HAS3: variants seen among roughly 807,000 people sequenced by gnomAD.
HAS3 encodes the protein hyaluronan synthase 3.
A neutral mutation model predicts 50.3 loss-of-function variants in HAS3; 27 were observed. The observed-to-expected ratio is 0.54, with a 90% CI of 0.40 to 0.74. HAS3 has a LOEUF of 0.74. HAS3 is among the 30% of genes least tolerant of loss of function. The pLI, the probability that HAS3 is intolerant of heterozygous loss-of-function variation, is 0.00. For missense variants in HAS3, 517 were observed against 742.8 expected (o/e 0.70, Z 3.53); for synonymous variants, 339 against 310.9 (o/e 1.09, Z -0.95).
At position 69,107,574 on chromosome 16, in the gene HAS3, C is replaced by T. The variant is rs1445641234; in HGVS notation, c.-1+1787C>T. ...CGCGGCTGCTTTGACCTGGTGGGCG[C>T]CGCCTCCGGCACTGCACCGAGGCGG... On this transcript the variant is annotated intron_variant, in intron 1 of 3. Coordinates refer to ENST00000569188, the MANE Select transcript of HAS3 (RefSeq NM_001199280.2). The surrounding 1 kb of genome is among the most constrained non-coding windows in gnomAD (Gnocchi z 5.5). The T allele has an allele frequency of 2.0e-6, 2 of 985,358 alleles. No homozygotes were observed. The highest frequency in any genetic ancestry group is 2.3e-4 in the East Asian group (2 of 8,800). 61.0% of individuals were successfully genotyped at this position (985,358 alleles called of 1,614,324 possible). A position where few individuals can be genotyped will look rare whatever the true frequency, so the allele number is the denominator to read the frequency against.
the HAS3 span, chr16:69,083,580 C>T: frequency 3.1e-6 from 5 of 1,604,406 alleles, no homozygotes; most frequent in African/African-American, 1.3e-5. Context: ...CCCAGTTGGC[C>T]CTAGAAGAGC....
Position 69,109,700 on chromosome 16 carries a change from G to T in HAS3, c.305G>T (p.Arg102Leu). 1 of 1,610,498 alleles carries T rather than the reference G, an allele frequency of 6.2e-7. No homozygotes were observed. Residue 102 changes from arginine to leucine, a missense_variant, in exon 2 of 4, where the codon CGC becomes CTC. By Grantham distance (102) the Arg-to-Leu change is moderately radical (BLOSUM62 -2). Coordinates refer to ENST00000569188, the MANE Select transcript of HAS3 (RefSeq NM_001199280.2). The surrounding 1 kb of genome is among the most constrained non-coding windows in gnomAD (Gnocchi z 5.3). Reference protein sequence around the residue: ...AAYQEDPDYLRKCLRSAQRIS... With the variant: ...AAYQEDPDYLLKCLRSAQRIS... Reference sequence around the variant, plus strand: ...TACCAGGAGGACCCTGACTACTTGCGCAAGTGCCTGCGCTCGGCCCAGCGC... The same window carrying T: ...TACCAGGAGGACCCTGACTACTTGCTCAAGTGCCTGCGCTCGGCCCAGCGC...
rs1960859901 is a variant in HAS3 at position 69,107,844 on chromosome 16, G to A, written c.1-1552G>A. ...ACGGCGGGCTCCCCGGGACGGTGGGGCAGAGCGCCCGGAGGCCGCGCTTCC... is the reference window on the plus strand; with the variant it reads ...ACGGCGGGCTCCCCGGGACGGTGGGACAGAGCGCCCGGAGGCCGCGCTTCC... On this transcript the variant is annotated intron_variant, in intron 1 of 3. Coordinates refer to ENST00000569188, the MANE Select transcript of HAS3 (RefSeq NM_001199280.2). This position sits in a 1 kb window ranked among gnomAD's most constrained non-coding sequence, Gnocchi z 5.5. 4.6e-6 allele frequency: 2 copies of A among 431,394 alleles called. No individual in the cohort carries two copies. Among genetic ancestry groups the A allele is most frequent in the African/African-American group, 2.1e-5 (1 of 46,844 alleles). 26.7% of individuals were successfully genotyped at this position (431,394 alleles called of 1,614,324 possible).
chr16:69,096,003 T>C, the HAS3 span, among the ~76,000 whole-genome samples: 1 of 145,524 alleles, frequency 6.9e-6, no homozygotes, highest in Non-Finnish European at 1.5e-5. Flanking sequence ...TCACTTGAGG[T>C]CAGGAGTTTG....
In HAS3 at chr16:69,109,370, C is replaced by G. The variant is rs115562758; in HGVS notation, c.1-26C>G. The G allele has an allele frequency of 4.0e-4, 624 of 1,578,418 alleles. 3 individuals are homozygous for G. In the African/African-American group the frequency reaches 6.8e-3, roughly 17 times the overall value. On this transcript the variant is annotated intron_variant, in intron 1 of 3. Coordinates refer to ENST00000569188, the MANE Select transcript of HAS3 (RefSeq NM_001199280.2). This position sits in a 1 kb window ranked among gnomAD's most constrained non-coding sequence, Gnocchi z 5.3. ...TGGAAATGCTGCCTCCTGCCTGACC[C>G]TTCATCTCCTGCCTTCTCTCGCCAG... is the stretch of plus-strand genomic sequence containing the variant.
rs572586925 is a variant in HAS3, at chr16:69,117,255, G to T, written c.*1989G>T. 2.0e-6 allele frequency: 2 copies of T among 985,868 alleles called. No homozygotes were observed. The highest frequency in any genetic ancestry group is 6.1e-5 in the Admixed American group (1 of 16,292). The allele number at this position is 985,868 out of a possible 1,614,324, so 61.1% of individuals were successfully genotyped here. A position where few individuals can be genotyped will look rare whatever the true frequency, so the allele number is the denominator to read the frequency against. Reference sequence around the variant, plus strand: ...GCTTGTTTTTCTTCAGCATTTACTTGAAGATTAATGTAGGATGACAGGCTC... The same window carrying T: ...GCTTGTTTTTCTTCAGCATTTACTTTAAGATTAATGTAGGATGACAGGCTC... On this transcript the variant is annotated 3_prime_UTR_variant, in exon 4 of 4. Coordinates refer to ENST00000569188, the MANE Select transcript of HAS3 (RefSeq NM_001199280.2).
In HAS3 at chr16:69,107,629, C is replaced by A. The variant is rs1454322542; in HGVS notation, c.1-1767C>A. 1.0e-5 allele frequency: 10 copies of A among 985,474 alleles called. No individual in the cohort carries two copies. The East Asian group carries it at 1.1e-3, about 112-fold the overall frequency. 61.0% of individuals were successfully genotyped at this position (985,474 alleles called of 1,614,324 possible). A position where few individuals can be genotyped will look rare whatever the true frequency, so the allele number is the denominator to read the frequency against. ...CCAGCGCCCAGGTTGCTGGGCTGGC[C>A]TTGGCGCCCCCTTCCCCTACCCAGA... On this transcript the variant is annotated intron_variant, in intron 1 of 3. Coordinates refer to ENST00000569188, the MANE Select transcript of HAS3 (RefSeq NM_001199280.2). This position sits in a 1 kb window ranked among gnomAD's most constrained non-coding sequence, Gnocchi z 5.5.
chr16:69,099,498 T>G, the HAS3 span, among the ~76,000 whole-genome samples: 2 of 151,824 alleles, frequency 1.3e-5, no homozygotes, highest in African/African-American at 4.8e-5. Flanking sequence ...CAGCTAATTT[T>G]TGTATTTTTA....
At position 69,115,403 on chromosome 16, in the gene HAS3, C is replaced by T. The variant is rs1033689693; in HGVS notation, c.*137C>T. 7.2e-7 allele frequency: 1 copy of T among 1,387,078 alleles called. No homozygotes were observed. Among genetic ancestry groups the T allele is most frequent in the Admixed American group, 3.2e-5 (1 of 31,130 alleles). 85.9% of individuals were successfully genotyped at this position (1,387,078 alleles called of 1,614,324 possible). On this transcript the variant is annotated 3_prime_UTR_variant, in exon 4 of 4. Transcript: ENST00000569188. ...TGGTCCAAAGGACAAATCTAAAATG[C>T]AAAGAACGGTGATGTAGTATGGCCT... is the stretch of plus-strand genomic sequence containing the variant.
At position 69,116,995 on chromosome 16, in the gene HAS3, C is replaced by G. The variant is rs934295361; in HGVS notation, c.*1729C>G. 3.0e-6 allele frequency: 3 copies of G among 985,314 alleles called. No homozygotes were observed. Among genetic ancestry groups the G allele is most frequent in the African/African-American group, 1.7e-5 (1 of 57,226 alleles). 61.0% of individuals were successfully genotyped at this position (985,314 alleles called of 1,614,324 possible). ...CCCTGGTGCTTTCCTTCATCTCCCA[C>G]GAACTCAAGGGTTTTCCAGGTGTAG... On this transcript the variant is annotated 3_prime_UTR_variant, in exon 4 of 4. Transcript: ENST00000569188.
Position 69,114,257 on chromosome 16 carries a change from G to T in HAS3, c.739-86G>T. 1 of 1,502,650 alleles carries T rather than the reference G, an allele frequency of 6.7e-7. No individual in the cohort carries two copies. Among genetic ancestry groups the T allele is most frequent in the African/African-American group, 1.4e-5 (1 of 71,864 alleles). The allele number at this position is 1,502,650 out of a possible 1,614,324, so 93.1% of individuals were successfully genotyped here. A position where few individuals can be genotyped will look rare whatever the true frequency, so the allele number is the denominator to read the frequency against. ...GGAATCTAAGCAGCGGGCCACAGAA[G>T]CCATGGTAAGGAGGCCTCGTGGTCT... On this transcript the variant is annotated intron_variant, in intron 3 of 3. Coordinates refer to ENST00000569188, the MANE Select transcript of HAS3 (RefSeq NM_001199280.2). This position sits in a 1 kb window ranked among gnomAD's most constrained non-coding sequence, Gnocchi z 6.4.
rs1473427104 is a variant in HAS3 at position 69,114,258 on chromosome 16, C to T, written c.739-85C>T. 2.0e-6 allele frequency: 3 copies of T among 1,502,804 alleles called. No homozygotes were observed. Among genetic ancestry groups the T allele is most frequent in the Non-Finnish European group, 1.8e-6 (2 of 1,133,984 alleles). 93.1% of individuals were successfully genotyped at this position (1,502,804 alleles called of 1,614,324 possible). A position where few individuals can be genotyped will look rare whatever the true frequency, so the allele number is the denominator to read the frequency against. On this transcript the variant is annotated intron_variant, in intron 3 of 3. Transcript: ENST00000569188. The surrounding 1 kb of genome is among the most constrained non-coding windows in gnomAD (Gnocchi z 6.4). ...GAATCTAAGCAGCGGGCCACAGAAGCCATGGTAAGGAGGCCTCGTGGTCTC... is the reference window on the plus strand; with the variant it reads ...GAATCTAAGCAGCGGGCCACAGAAGTCATGGTAAGGAGGCCTCGTGGTCTC...
chr16:69,084,939 T>A, the HAS3 span: 1 of 152,378 alleles, frequency 6.6e-6, no homozygotes, highest in Admixed American at 6.5e-5. Flanking sequence ...CTTGGTGGCA[T>A]CCCTTTAAAG....
In HAS3 at chr16:69,109,610, G is replaced by C; in HGVS notation, c.215G>C (p.Arg72Pro). The C allele has an allele frequency of 6.2e-7, 1 of 1,612,080 alleles. No homozygotes were observed. The highest frequency in any genetic ancestry group is 8.5e-7 in the Non-Finnish European group (1 of 1,179,806). Residue 72 changes from arginine (R) to proline (P), a missense_variant, in exon 2 of 4, where the codon CGT becomes CCT. Coordinates refer to ENST00000569188, the MANE Select transcript of HAS3 (RefSeq NM_001199280.2). This position sits in a 1 kb window ranked among gnomAD's most constrained non-coding sequence, Gnocchi z 5.3. ...TTCCTGGAGCACCGGCGCATGCGACGTGCCGGCCAGGCCCTGAAGCTGCCC... is the reference window on the plus strand; with the variant it reads ...TTCCTGGAGCACCGGCGCATGCGACCTGCCGGCCAGGCCCTGAAGCTGCCC... ...FAFLEHRRMR[R>P]AGQALKLPSP...
At chr16:69,101,788 CT>C (rs35588789), upstream of HAS3, among the ~76,000 whole-genome samples, 980 of 117,920 alleles carry the variant, frequency 8.3e-3, 4 homozygotes, top group Non-Finnish European at 0.01. Flanking sequence ...TACTTGTACT[CT>C]TTTTTTTTTT....
At chr16:69,098,972 C>G in the HAS3 span, among the ~76,000 whole-genome samples, 1 of 139,878 alleles carries the variant, frequency 7.1e-6, no homozygotes, top group African/African-American at 2.7e-5. Context: ...TGAACCTGAT[C>G]TTTTTTTTTT....
In HAS3 at chr16:69,117,576, CTT is replaced by C. The variant is rs10558208; in HGVS notation, c.*2325_*2326del. The C allele has an allele frequency of 0.031, 21,144 of 685,994 alleles. 2 individuals carry two copies. The highest frequency in any genetic ancestry group is 0.034 in the Non-Finnish European group (19,249 of 563,720). 42.5% of individuals were successfully genotyped at this position (685,994 alleles called of 1,614,324 possible). ...TTGTAAACATATTTATTTTTACCTG[CTT>C]TTTTTTTTTTTTTTAATTTTCAGGT... On this transcript the variant is annotated 3_prime_UTR_variant, in exon 4 of 4. Coordinates refer to ENST00000569188, the MANE Select transcript of HAS3 (RefSeq NM_001199280.2).
chr16:69,118,247 C>A, downstream of HAS3: 1 of 743,580 alleles, frequency 1.3e-6, no homozygotes, highest in South Asian at 1.5e-5. Flanking sequence ...ATCTGGCCAC[C>A]TCTAAGTCCC....
At chr16:69,087,088 C>T in the HAS3 span, among the ~76,000 whole-genome samples, 1 of 152,258 alleles carries the variant, frequency 6.6e-6, no homozygotes, top group South Asian at 2.1e-4. Flanking sequence ...TGCTGAGGCT[C>T]TGCTGGCCCC....
Sources: allele counts gnomAD v4.1 joint callset (sites outside exome capture counted in the v4.1 genomes callset), GRCh38; gene constraint gnomAD v4.1.1; non-coding constraint Gnocchi (gnomAD v3.1); transcripts MANE v1.5; gene names NCBI Gene and HGNC (gene_info 2026-07-23, HGNC 2026-07-21).